Variants in OCRL observed in about 807,000 individuals in gnomAD.
The protein encoded by OCRL is inositol polyphosphate 5-phosphatase OCRL.
Under a neutral mutation model 78.9 loss-of-function variants are expected in OCRL, and 8 were observed. The observed-to-expected ratio is 0.10, with a 90% CI of 0.06 to 0.18. The LOEUF is 0.18. OCRL is among the 10% of genes least tolerant of loss of function. The pLI is 1.00. For missense variants in OCRL, 454 were observed against 696.7 expected (o/e 0.65, Z 3.92); for synonymous variants, 240 against 235.4 (o/e 1.02, Z -0.18).
intron 4 of OCRL, among the ~76,000 whole-genome samples, chrX:129,555,002 A>AATAAATAT (rs977817163): frequency 1.9e-5 from 2 of 105,842 alleles, no homozygotes; most frequent in Non-Finnish European, 3.8e-5. Context: ...TAAATAAATA[A>AATAAATAT]AAATAAGAGG....
At chrX:129,558,230 A>G (rs939276278) in intron 6 of OCRL, among the ~76,000 whole-genome samples, 11 of 111,754 alleles carry the variant, frequency 9.8e-5, no homozygotes, top group Non-Finnish European at 1.5e-4. Flanking sequence ...TAGTTGTACA[A>G]CCTTCATCAA....
At chrX:129,562,553 A>T (rs774409999) in intron 11 of OCRL, 46 bp from the exon 12 acceptor site, 1 of 1,189,363 alleles carries the variant, frequency 8.4e-7, no homozygotes, top group South Asian at 1.8e-5. Flanking sequence ...TGTAAAGTTC[A>T]GTTGCTTGTT....
At chrX:129,567,223 CT>C (rs776665200) in intron 13 of OCRL, 30 bp from the exon 14 acceptor site, 3 of 987,403 alleles carry the variant, frequency 3.0e-6, no homozygotes. Flanking sequence ...TAGTGTTATC[CT>C]GCTTATTTGA....
intron 15 of OCRL, among the ~76,000 whole-genome samples, chrX:129,573,251 A>G (rs1312888293): frequency 1.0e-5 from 1 of 98,409 alleles, no homozygotes; most frequent in African/African-American, 4.8e-5. Flanking sequence ...GTTGTGGGAT[A>G]CAAGTGCAGA....
In OCRL at chrX:129,547,537, A is replaced by G. The variant is rs1455718537; in HGVS notation, c.200-1026A>G. Reference sequence around the variant, plus strand: ...AAGACTCCGTCTCAAAAAAAAAAAAAAAAAAAGAAAAAGAAAACCATCTGT... The same window carrying G: ...AAGACTCCGTCTCAAAAAAAAAAAAGAAAAAAGAAAAAGAAAACCATCTGT... On this transcript the variant is annotated intron_variant, in intron 3 of 23. Coordinates refer to ENST00000371113, the MANE Select transcript of OCRL (RefSeq NM_000276.4). 2.1e-4 allele frequency among the ~76,000 whole-genome samples: 23 copies of G among 109,329 alleles called. No individual in the cohort carries two copies. The Admixed American group carries it at 2.2e-3, about 10-fold the overall frequency. The allele number at this position is 109,329 out of a possible 115,157, so 94.9% of individuals were successfully genotyped here.
chrX:129,566,705 C>T (rs958639015), intron 13 of OCRL, among the ~76,000 whole-genome samples: 19 of 112,178 alleles, frequency 1.7e-4, no homozygotes, highest in Admixed American at 9.4e-4. Context: ...TGTAGTGAGC[C>T]ATTCTTGTCT....
At position 129,575,875 on chromosome X, in the gene OCRL, GTGTC is replaced by G; in HGVS notation, c.1714-14_1714-11del. The G allele has an allele frequency of 8.3e-7, 1 of 1,210,077 alleles. No homozygotes were observed. The highest frequency in any genetic ancestry group is 1.1e-6 in the Non-Finnish European group (1 of 893,864). ...CTTCCCCTACTAGTGATGCATGTTTGTGTCTGTCTGTTATTCCCCAGTTTGTGTT... is the reference window on the plus strand; with the variant it reads ...CTTCCCCTACTAGTGATGCATGTTTGTGTCTGTTATTCCCCAGTTTGTGTT... On this transcript the variant is annotated intron_variant, in intron 16 of 23. Transcript: ENST00000371113.
At chrX:129,569,989 G>A (rs140348560) in intron 15 of OCRL, among the ~76,000 whole-genome samples, 4,745 of 109,731 alleles carry the variant, frequency 0.043, 109 homozygotes, top group African/African-American at 0.067. Context: ...GATTACAGGC[G>A]TGAGCCACCG....
chrX:129,564,624 A>G (rs1482442662), intron 12 of OCRL, among the ~76,000 whole-genome samples: 1 of 110,910 alleles, frequency 9.0e-6, no homozygotes, highest in African/African-American at 3.3e-5. Flanking sequence ...CGCAAGAACA[A>G]AAAACCAAAC....
In OCRL at chrX:129,589,852, C is replaced by T; in HGVS notation, c.2477C>T (p.Ser826Phe). Residue 826 changes from serine (S) to phenylalanine (F), a missense_variant, in exon 23 of 24, where the codon TCC (serine) becomes TTC (phenylalanine). Around this residue, in one of 2 missense-constraint regions of OCRL, gnomAD observed 277 missense variants for 517.1 expected, o/e 0.54. Coordinates refer to ENST00000371113, the MANE Select transcript of OCRL (RefSeq NM_000276.4). ...YDPRICRQVI[S>F]QLPRCHRNVF... is the part of the protein sequence containing the mutation. The stretch of plus-strand genomic sequence containing the variant: ...CCCTATTTTTAAAAACAGGTGATCT[C>T]CCAGCTTCCGAGATGCCATAGAAAT... 1.7e-6 allele frequency: 2 copies of T among 1,205,235 alleles called. No individual in the cohort carries two copies. The highest frequency in any genetic ancestry group is 2.2e-6 in the Non-Finnish European group (2 of 889,648).
chrX:129,562,290 A>G lies in OCRL; in HGVS notation c.940-94A>G, dbSNP rs552130579. 5 of 679,433 alleles carry G rather than the reference A, an allele frequency of 7.4e-6. No homozygotes were observed. The African/African-American group carries it at 8.5e-5, about 12-fold the overall frequency. The allele number at this position is 679,433 out of a possible 1,213,427, so 56.0% of individuals were successfully genotyped here. On this transcript the variant is annotated intron_variant, in intron 10 of 23. Coordinates refer to ENST00000371113, the MANE Select transcript of OCRL (RefSeq NM_000276.4). ...TATGAAGTCAGATTTGGGCACTAGTATATCATCTTGATGGAAAATTAGTCG... is the reference window on the plus strand; with the variant it reads ...TATGAAGTCAGATTTGGGCACTAGTGTATCATCTTGATGGAAAATTAGTCG...
intron 15 of OCRL, among the ~76,000 whole-genome samples, chrX:129,569,617 T>C (rs1257924012): frequency 9.0e-6 from 1 of 111,112 alleles, no homozygotes; most frequent in African/African-American, 3.3e-5. Flanking sequence ...ATGTTTCTCA[T>C]GCTACATAGT....
chrX:129,581,012 G>A (rs111530026), intron 18 of OCRL, among the ~76,000 whole-genome samples: 2,917 of 111,317 alleles, frequency 0.026, 45 homozygotes, highest in East Asian at 0.066. Flanking sequence ...CTACAGGCGC[G>A]CGCCACCACG....
At chrX:129,588,323 C>A in intron 21 of OCRL, 60 bp downstream of exon 21, 1 of 810,202 alleles carries the variant, frequency 1.2e-6, no homozygotes, top group Non-Finnish European at 1.9e-6. Context: ...CTCTTCTTCG[C>A]ACCTATATTT....
intron 12 of OCRL, among the ~76,000 whole-genome samples, chrX:129,564,861 TATA>T (rs1200632830): frequency 9.0e-6 from 1 of 111,245 alleles, no homozygotes; most frequent in South Asian, 3.9e-4. Flanking sequence ...CCCTAAAACT[TATA>T]ATAATAAAAT....
rs1569463996 is a variant in OCRL at position 129,590,273 on chromosome X, CT to C, written c.*7del. ...TGCTTGGGAGCGAAGAAGACTAAGG[CT>C]TTTACTGTTCTCTGATATTCTAGAA... is the stretch of plus-strand genomic sequence containing the variant. On this transcript the variant is annotated 3_prime_UTR_variant, in exon 24 of 24. Coordinates refer to ENST00000371113, the MANE Select transcript of OCRL (RefSeq NM_000276.4). The C allele has an allele frequency of 8.3e-7, 1 of 1,210,821 alleles. No homozygotes were observed. The highest frequency in any genetic ancestry group is 1.1e-6 in the Non-Finnish European group (1 of 895,042).
At chrX:129,577,481 T>C (rs1471410861) in intron 18 of OCRL, among the ~76,000 whole-genome samples, 1 of 112,169 alleles carries the variant, frequency 8.9e-6, no homozygotes. Flanking sequence ...TTGGTTTTTT[T>C]ACCAAAGAAA....
At chrX:129,555,002 A>AATAT (rs977817163) in intron 4 of OCRL, among the ~76,000 whole-genome samples, 8 of 105,842 alleles carry the variant, frequency 7.6e-5, no homozygotes, top group Non-Finnish European at 1.5e-4. Context: ...TAAATAAATA[A>AATAT]AAATAAGAGG....
chrX:129,567,610 A>G (rs1346525572), intron 14 of OCRL, among the ~76,000 whole-genome samples: 4 of 112,402 alleles, frequency 3.6e-5, no homozygotes, highest in East Asian at 2.8e-4. Flanking sequence ...TGGGCTACCT[A>G]CAGTGCCTTA....
Sources: gnomAD v4.1 joint callset for allele counts (sites outside exome capture counted in the v4.1 genomes callset) on GRCh38, gnomAD v4.1.1 for gene constraint, gnomAD v4.1.1 regional missense constraint, MANE v1.5 for transcripts, NCBI Gene and HGNC (gene_info 2026-07-23, HGNC 2026-07-21) for gene names.